The following SPAG16 variants were observed in gnomAD, a reference collection of about 807,000 sequenced individuals.
SPAG16 encodes sperm-associated antigen 16 protein.
Under a neutral mutation model 80.4 loss-of-function variants are expected in SPAG16, and 86 were observed. The ratio of observed to expected loss-of-function variants is 1.07; its 90% confidence interval spans 0.90 to 1.28. The LOEUF is 1.28. Among genes scored for constraint, SPAG16 ranks in the 50% most tolerant of loss-of-function variants. The pLI, the probability that SPAG16 is intolerant of heterozygous loss-of-function variation, is 0.00. For synonymous variants in SPAG16, 294 were observed against 265.9 expected (o/e 1.11, Z -1.03); for missense variants, 870 against 765.3 (o/e 1.14, Z -1.61).
intron 13 of SPAG16, among the ~76,000 whole-genome samples, chr2:214,058,063 A>G (rs1175267433): frequency 6.6e-6 from 1 of 152,158 alleles, no homozygotes; most frequent in Non-Finnish European, 1.5e-5. Context: ...CATAACAGCA[A>G]TAAGGCTGTG....
chr2:214,014,299 T>G (rs985924807), intron 13 of SPAG16, among the ~76,000 whole-genome samples: 3 of 152,256 alleles, frequency 2.0e-5, no homozygotes, highest in Admixed American at 6.5e-5. Context: ...CATTAAGCAT[T>G]ATTTCAACAA....
chr2:213,963,682 C>G (rs930737302), intron 12 of SPAG16, among the ~76,000 whole-genome samples: 4 of 152,078 alleles, frequency 2.6e-5, no homozygotes, highest in Non-Finnish European at 5.9e-5. Flanking sequence ...AAATTATCAG[C>G]TCTTGTTTCA....
intron 15 of SPAG16, among the ~76,000 whole-genome samples, chr2:214,231,517 A>G (rs1688702841): frequency 6.6e-6 from 1 of 152,066 alleles, no homozygotes; most frequent in Non-Finnish European, 1.5e-5. Context: ...CATGCATATA[A>G]GAAATCATGG....
rs142507201 is a variant in SPAG16, at chr2:213,460,235, C to T, written c.943-29728C>T. Among the ~76,000 whole-genome samples the T allele has an allele frequency of 9.9e-5, 15 of 152,220 alleles. 1 individual carries two copies. The highest frequency in any genetic ancestry group is 2.4e-4 in the African/African-American group (10 of 41,534). On this transcript the variant is annotated intron_variant, in intron 9 of 15. Coordinates refer to ENST00000331683, the MANE Select transcript of SPAG16 (RefSeq NM_024532.5). ...TGCAGTACCAGGATTTGATTTTCCC[C>T]GAGTCCAAATTATTTTTTAGATTAT... is the stretch of plus-strand genomic sequence containing the variant.
intron 10 of SPAG16, among the ~76,000 whole-genome samples, chr2:213,776,689 A>C (rs755481935): frequency 2.0e-5 from 3 of 152,120 alleles, no homozygotes; most frequent in African/African-American, 7.2e-5. Context: ...ATAAGAAATA[A>C]AATAGAAAGC....
At chr2:213,744,022 T>C (rs1327125850) in intron 10 of SPAG16, among the ~76,000 whole-genome samples, 4 of 152,232 alleles carry the variant, frequency 2.6e-5, no homozygotes, top group African/African-American at 9.6e-5. Flanking sequence ...CTCTTTTTCC[T>C]TGGGAAATTA....
chr2:213,390,329 T>C (rs983425146), intron 9 of SPAG16, among the ~76,000 whole-genome samples: 4 of 152,206 alleles, frequency 2.6e-5, no homozygotes, highest in Non-Finnish European at 5.9e-5. Context: ...CAGAAAGTTA[T>C]ATAAATGCAT....
chr2:213,792,606 C>T, intron 10 of SPAG16, among the ~76,000 whole-genome samples: 1 of 107,380 alleles, frequency 9.3e-6, no homozygotes. Flanking sequence ...TTTTTGGAGA[C>T]CGGGTCTCAC....
At chr2:214,390,493 A>T (rs1334247132) in intron 15 of SPAG16, among the ~76,000 whole-genome samples, 7 of 152,124 alleles carry the variant, frequency 4.6e-5, no homozygotes, top group Admixed American at 4.6e-4. Flanking sequence ...CTCCCACTTT[A>T]TCTCAGGCTC....
At chr2:213,784,698 T>C (rs575657502) in intron 10 of SPAG16, among the ~76,000 whole-genome samples, 5 of 144,516 alleles carry the variant, frequency 3.5e-5, no homozygotes, top group Non-Finnish European at 7.5e-5. Flanking sequence ...GTTTGCTCTC[T>C]AAGAGATTCC....
intron 12 of SPAG16, among the ~76,000 whole-genome samples, chr2:214,006,917 G>T (rs1306058199): frequency 1.3e-5 from 2 of 152,148 alleles, no homozygotes; most frequent in Admixed American, 1.3e-4. Context: ...TATGTGAGCT[G>T]TAATATATCA....
At chr2:213,932,572 G>C (rs1248021447) in intron 12 of SPAG16, among the ~76,000 whole-genome samples, 1 of 152,086 alleles carries the variant, frequency 6.6e-6, no homozygotes, top group East Asian at 1.9e-4. Flanking sequence ...AGAAGGAAGA[G>C]TTTAGAATAC....
chr2:214,189,626 T>A (rs1244047508), intron 15 of SPAG16, among the ~76,000 whole-genome samples: 1 of 152,100 alleles, frequency 6.6e-6, no homozygotes, highest in African/African-American at 2.4e-5. Flanking sequence ...CAGCAAATGC[T>A]AAACATGATT....
At chr2:213,319,971 A>G (rs2063548129) in intron 5 of SPAG16, among the ~76,000 whole-genome samples, 1 of 152,004 alleles carries the variant, frequency 6.6e-6, no homozygotes, top group Non-Finnish European at 1.5e-5. Flanking sequence ...AATAGAACTT[A>G]AAATCTAAAA....
At chr2:213,297,813 TG>T (rs2062571467) in intron 3 of SPAG16, among the ~76,000 whole-genome samples, 1 of 152,180 alleles carries the variant, frequency 6.6e-6, no homozygotes, top group African/African-American at 2.4e-5. Context: ...GGATGTTTTT[TG>T]ATTATAATAC....
chr2:213,807,391 C>A (rs373528301), intron 10 of SPAG16, among the ~76,000 whole-genome samples: 1 of 151,990 alleles, frequency 6.6e-6, no homozygotes, highest in Non-Finnish European at 1.5e-5. Context: ...TGTCACCTCC[C>A]AATGTTATCT....
At chr2:213,479,295 A>C (rs1441673579) in intron 9 of SPAG16, among the ~76,000 whole-genome samples, 1 of 151,882 alleles carries the variant, frequency 6.6e-6, no homozygotes, top group African/African-American at 2.4e-5. Context: ...TTCATACATC[A>C]TGCCCCAAAA....
intron 9 of SPAG16, among the ~76,000 whole-genome samples, chr2:213,379,707 C>T (rs571735326): frequency 3.3e-5 from 5 of 152,310 alleles, no homozygotes; most frequent in Admixed American, 6.5e-5. Flanking sequence ...TGGCTGATCA[C>T]CCCAAGGAAT....
chr2:213,715,106 G>A (rs540402767), intron 10 of SPAG16, among the ~76,000 whole-genome samples: 50 of 152,258 alleles, frequency 3.3e-4, no homozygotes, highest in African/African-American at 1.2e-3. Context: ...GTTTGGAGGA[G>A]TATAAGAGTG....
Sources: gnomAD v4.1 joint callset for allele counts (sites outside exome capture counted in the v4.1 genomes callset) on GRCh38, gnomAD v4.1.1 for gene constraint, MANE v1.5 for transcripts, NCBI Gene and HGNC (gene_info 2026-07-23, HGNC 2026-07-21) for gene names.